ATG10: variants seen among roughly 807,000 people sequenced by gnomAD.
ATG10 encodes the protein autophagy related 10, also known as ubiquitin-like-conjugating enzyme ATG10.
Under a neutral mutation model 32.1 loss-of-function variants are expected in ATG10, and 30 were observed. The observed-to-expected ratio is 0.94, with a 90% confidence interval of 0.70 to 1.27. The LOEUF (loss-of-function observed/expected upper bound fraction) is 1.27. Ranked by LOEUF, ATG10 falls within the 50% of genes most tolerant of loss-of-function variation. The probability of loss-of-function intolerance (pLI) is 0.00; values close to 1 mark genes in which losing one functional copy is unlikely to be tolerated. For synonymous variants in ATG10, 87 were observed against 91.5 expected, an observed-to-expected ratio of 0.95 and a Z score of 0.28; for missense variants, 233 against 262.3, an observed-to-expected ratio of 0.89 and a Z score of 0.77.
chr5:82,184,558 T>C (rs1409054120), intron 5 of ATG10, among the ~76,000 whole-genome samples: 1 of 152,136 alleles, frequency 6.6e-6, no homozygotes, highest in Non-Finnish European at 1.5e-5. Flanking sequence ...TCACCCTCGC[T>C]GTCTCTCTCA....
chr5:82,018,075 A>G (rs1049767789), intron 2 of ATG10, among the ~76,000 whole-genome samples: 15 of 152,136 alleles, frequency 9.9e-5, no homozygotes, highest in Admixed American at 6.5e-5. Context: ...CTTAAGGCCA[A>G]CTTCTTGACA....
Position 82,049,751 on chromosome 5 carries a change from T to A in ATG10, c.109-8744T>A, listed in dbSNP as rs1763347524. Among the ~76,000 whole-genome samples the A allele has an allele frequency of 3.3e-5, 5 of 152,074 alleles. No homozygotes were observed. The South Asian group carries it at 1.0e-3, about 32-fold the overall frequency. ...CCATTTTGGGTTAGTAACTAGAGAG[T>A]GAGTTCAAAAAGGTAAGAAAATAAA... On this transcript the variant is annotated intron_variant, in intron 2 of 7. Coordinates refer to ENST00000282185, the MANE Select transcript of ATG10 (RefSeq NM_031482.5).
intron 2 of ATG10, among the ~76,000 whole-genome samples, chr5:81,993,363 CT>C (rs35176862): frequency 0.28 from 11,387 of 40,946 alleles, 2,096 homozygotes; most frequent in Non-Finnish European, 0.3. Flanking sequence ...TTCTTTCCTT[CT>C]TTTCTTTTCT....
At chr5:81,985,685 A>G (rs976273733) in intron 1 of ATG10, among the ~76,000 whole-genome samples, 12 of 152,302 alleles carry the variant, frequency 7.9e-5, no homozygotes, top group African/African-American at 2.2e-4. Context: ...ACCTAGTTCA[A>G]CAGCAGTTTA....
At chr5:82,108,536 G>C (rs576356326) in intron 3 of ATG10, among the ~76,000 whole-genome samples, 1 of 151,906 alleles carries the variant, frequency 6.6e-6, no homozygotes, top group South Asian at 2.1e-4. Flanking sequence ...ATAATCCTAT[G>C]ATTTGAAGAT....
intron 3 of ATG10, among the ~76,000 whole-genome samples, chr5:82,089,256 C>G (rs1764797884): frequency 6.6e-6 from 1 of 151,874 alleles, no homozygotes; most frequent in South Asian, 2.1e-4. Context: ...GTAGGAGAAT[C>G]ACTTGAACCC....
chr5:82,011,096 A>G (rs997818574), intron 2 of ATG10, among the ~76,000 whole-genome samples: 2 of 152,216 alleles, frequency 1.3e-5, no homozygotes, highest in African/African-American at 4.8e-5. Context: ...AAGTTTAATT[A>G]TGTAAGCAGT....
chr5:82,144,782 A>G (rs1767281016), intron 3 of ATG10, among the ~76,000 whole-genome samples: 2 of 152,022 alleles, frequency 1.3e-5, no homozygotes, highest in African/African-American at 2.4e-5. Flanking sequence ...AATATTCTAC[A>G]GTTTTGGAGG....
At chr5:82,119,441 G>T (rs890462922) in intron 3 of ATG10, among the ~76,000 whole-genome samples, 1 of 152,034 alleles carries the variant, frequency 6.6e-6, no homozygotes, top group Non-Finnish European at 1.5e-5. Flanking sequence ...GTAATTGTTT[G>T]ATTTGTAAGG....
chr5:81,980,039 G>T (rs1278094896), intron 1 of ATG10, among the ~76,000 whole-genome samples: 1 of 151,944 alleles, frequency 6.6e-6, no homozygotes, highest in Non-Finnish European at 1.5e-5. Context: ...ACTGAAACAC[G>T]AATGTGATTT....
intron 3 of ATG10, among the ~76,000 whole-genome samples, chr5:82,084,289 G>C (rs900536296): frequency 6.6e-6 from 1 of 152,104 alleles, no homozygotes; most frequent in South Asian, 2.1e-4. Context: ...AGTAAAAAGA[G>C]TAAAAAGAAA....
At chr5:81,984,004 T>C (rs138234011) in intron 1 of ATG10, among the ~76,000 whole-genome samples, 9,536 of 152,036 alleles carry the variant, frequency 0.063, 382 homozygotes, top group Non-Finnish European at 0.09. Context: ...GCAGAGACGC[T>C]CCTCACTTTC....
At chr5:82,099,641 C>A (rs1765192118) in intron 3 of ATG10, among the ~76,000 whole-genome samples, 1 of 152,002 alleles carries the variant, frequency 6.6e-6, no homozygotes, top group African/African-American at 2.4e-5. Context: ...ACAAGATAAT[C>A]CCATCAGCAC....
At chr5:82,196,597 A>G (rs1197887264) in intron 5 of ATG10, among the ~76,000 whole-genome samples, 1 of 152,172 alleles carries the variant, frequency 6.6e-6, no homozygotes, top group Non-Finnish European at 1.5e-5. Context: ...ATTCTTTTGC[A>G]TGTACTAATA....
rs1174672085 is a variant in ATG10 at position 82,135,082 on chromosome 5, A to AT, written c.217-29311dup. Among the ~76,000 whole-genome samples the AT allele has an allele frequency of 2.6e-5, 4 of 151,818 alleles. No homozygotes were observed. In the East Asian group the frequency reaches 7.7e-4, roughly 29 times the overall value. The stretch of plus-strand genomic sequence containing the variant: ...GATTGGTGGTGATCTCCCCTTTATC[A>AT]TTTTTTATTGTGTCTATTTGATTCT... On this transcript the variant is annotated intron_variant, in intron 3 of 7. Coordinates refer to ENST00000282185, the MANE Select transcript of ATG10 (RefSeq NM_031482.5).
intron 3 of ATG10, among the ~76,000 whole-genome samples, chr5:82,071,600 C>G (rs912404625): frequency 6.6e-6 from 1 of 152,030 alleles, no homozygotes; most frequent in African/African-American, 2.4e-5. Flanking sequence ...ATGTATTATA[C>G]CTTGGGTCCT....
At chr5:82,088,076 A>T (rs1764750799) in intron 3 of ATG10, among the ~76,000 whole-genome samples, 1 of 152,202 alleles carries the variant, frequency 6.6e-6, no homozygotes, top group Admixed American at 6.6e-5. Flanking sequence ...GTTGCCCTGA[A>T]GAGTATATTA....
chr5:82,229,997 A>G (rs1411652312), intron 5 of ATG10, among the ~76,000 whole-genome samples: 1 of 152,184 alleles, frequency 6.6e-6, no homozygotes, highest in Non-Finnish European at 1.5e-5. Context: ...TCAATCTGAA[A>G]AGGCATTATC....
chr5:82,026,593 T>C (rs1242864404), intron 2 of ATG10, among the ~76,000 whole-genome samples: 2 of 152,170 alleles, frequency 1.3e-5, no homozygotes, highest in Non-Finnish European at 2.9e-5. Context: ...TTGACTGACT[T>C]AGTTTTTGCC....
Sources: gnomAD v4.1 joint callset for allele counts (sites outside exome capture counted in the v4.1 genomes callset) on GRCh38, gnomAD v4.1.1 for gene constraint, MANE v1.5 for transcripts, NCBI Gene and HGNC (gene_info 2026-07-23, HGNC 2026-07-21) for gene names.